ARPC1B: variants seen among roughly 807,000 people sequenced by gnomAD.
The protein encoded by ARPC1B is actin related protein 2/3 complex subunit 1B.
Under a neutral mutation model 46.0 loss-of-function variants are expected in ARPC1B, and 29 were observed. That is an observed-to-expected ratio of 0.63 (90% CI 0.47 to 0.86). The LOEUF is 0.86. ARPC1B is among the 40% of genes least tolerant of loss of function. The pLI, the probability that ARPC1B is intolerant of heterozygous loss-of-function variation, is 0.00. For synonymous variants in ARPC1B, 201 were observed against 213.9 expected (o/e 0.94, Z 0.53); for missense variants, 469 against 529.4 (o/e 0.89, Z 1.12).
intron 5 of ARPC1B, among the ~76,000 whole-genome samples, chr7:99,390,664 G>A (rs549087616): frequency 6.6e-6 from 1 of 152,006 alleles, no homozygotes; most frequent in Admixed American, 6.6e-5. Flanking sequence ...ACAAGCTTCA[G>A]CCACCATGCC....
chr7:99,386,863 G>A (rs1794406578), intron 3 of ARPC1B, 74 bp downstream of exon 3: 1 of 1,128,066 alleles, frequency 8.9e-7, no homozygotes, highest in African/African-American at 1.6e-5. Context: ...GGCAGGGCAT[G>A]GCCACTCATT....
intron 1 of ARPC1B, among the ~76,000 whole-genome samples, chr7:99,382,842 C>CTTT (rs756346040): frequency 2.1e-4 from 25 of 119,242 alleles, no homozygotes; most frequent in African/African-American, 4.4e-4. Context: ...CATTCCTAAC[C>CTTT]TTTTTTTTTT....
chr7:99,392,524 C>T (rs1287606487), intron 7 of ARPC1B, 147 bp from the exon 8 acceptor site: 2 of 704,534 alleles, frequency 2.8e-6, no homozygotes, highest in Non-Finnish European at 4.5e-6. Flanking sequence ...GGTTTTGATA[C>T]ACCTGCAATT....
chr7:99,385,236 A>T (rs537806222), intron 1 of ARPC1B, among the ~76,000 whole-genome samples: 2 of 140,208 alleles, frequency 1.4e-5, no homozygotes, highest in East Asian at 4.7e-4. Context: ...GATTACAGGC[A>T]TGAGCCACCG....
At chr7:99,392,040 A>G (rs1165403274) in intron 7 of ARPC1B, 1 of 152,094 alleles carries the variant, frequency 6.6e-6, no homozygotes, top group East Asian at 1.9e-4. Context: ...AACAGAAAAA[A>G]AAAGATATTT....
intron 1 of ARPC1B, among the ~76,000 whole-genome samples, chr7:99,382,979 G>A (rs1794273541): frequency 6.6e-6 from 1 of 151,236 alleles, no homozygotes; most frequent in African/African-American, 2.4e-5. Flanking sequence ...CAAGTAGCTG[G>A]GACTACAGGT....
chr7:99,378,275 T>G (rs1794089519), intron 1 of ARPC1B, among the ~76,000 whole-genome samples: 1 of 151,672 alleles, frequency 6.6e-6, no homozygotes, highest in African/African-American at 2.4e-5. Flanking sequence ...TTTTGCCATG[T>G]TGCCCAGGCT....
At chr7:99,375,296 G>A (rs1309872895) in intron 1 of ARPC1B, among the ~76,000 whole-genome samples, 3 of 152,228 alleles carry the variant, frequency 2.0e-5, no homozygotes, top group South Asian at 4.1e-4. Flanking sequence ...TGCAGCCGCC[G>A]GGAAATGAGC....
chr7:99,381,691 G>A lies in ARPC1B; in HGVS notation c.-13-4011G>A, dbSNP rs1288393787. ...AAAGCAAGCGGTTTGGATCTGGAGTGAGCAGGAGGTGGACAGGGCCTTCCA... is the reference window on the plus strand; with the variant it reads ...AAAGCAAGCGGTTTGGATCTGGAGTAAGCAGGAGGTGGACAGGGCCTTCCA... On this transcript the variant is annotated intron_variant, in intron 1 of 9. Transcript: ENST00000646101. Among the ~76,000 whole-genome samples, 4 of 152,232 alleles carry A rather than the reference G, an allele frequency of 2.6e-5. No homozygotes were observed. In the East Asian group the frequency reaches 7.7e-4, roughly 29 times the overall value.
At chr7:99,382,851 T>TC (rs1327758638) in intron 1 of ARPC1B, among the ~76,000 whole-genome samples, 2 of 146,210 alleles carry the variant, frequency 1.4e-5, no homozygotes, top group Non-Finnish European at 3.0e-5. Context: ...CCTTTTTTTT[T>TC]TTTTTTTTTT....
At chr7:99,388,429 G>A (rs1040803915) in intron 4 of ARPC1B, among the ~76,000 whole-genome samples, 168 bp downstream of exon 4, 2 of 152,098 alleles carry the variant, frequency 1.3e-5, no homozygotes, top group Non-Finnish European at 2.9e-5. Context: ...TCTCTGCAGC[G>A]TCCGGATGTT....
intron 7 of ARPC1B, 87 bp from the exon 8 acceptor site, chr7:99,392,584 T>C (rs781438023): frequency 9.0e-5 from 112 of 1,240,436 alleles, no homozygotes; most frequent in Non-Finnish European, 1.1e-4. Flanking sequence ...GGCATCTGCC[T>C]CCCGGGCGGC....
At chr7:99,394,172 C>A (rs1225963359) in intron 9 of ARPC1B, 53 bp downstream of exon 9, 4 of 1,572,230 alleles carry the variant, frequency 2.5e-6, no homozygotes, top group Admixed American at 3.4e-5. Flanking sequence ...CAACCCTTTC[C>A]CCCCATCCCC....
At chr7:99,392,528 T>C in intron 7 of ARPC1B, 143 bp from the exon 8 acceptor site, 1 of 729,502 alleles carries the variant, frequency 1.4e-6, no homozygotes, top group Non-Finnish European at 2.1e-6. Context: ...TTGATACACC[T>C]GCAATTCGGG....
Position 99,390,917 on chromosome 7 carries a change from G to C in ARPC1B, c.525G>C (p.Glu175Asp), listed in dbSNP as rs774275938. 4 of 1,611,110 alleles carry C rather than the reference G, an allele frequency of 2.5e-6. No homozygotes were observed. The highest frequency in any genetic ancestry group is 2.2e-5 in the South Asian group (2 of 90,946). The change falls in exon 6 of 10, where the codon GAG becomes GAC. Residue 175 changes from glutamate (E) to aspartate (D), a missense_variant. Physicochemically the swap from Glu to Asp is conservative, Grantham distance 45. Coordinates refer to ENST00000646101, the MANE Select transcript of ARPC1B (RefSeq NM_005720.4). The stretch of plus-strand genomic sequence containing the variant: ...GGATCTTTTCAGCCTACATCAAGGA[G>C]GTGGAGGAACGGCCGGCACCCACCC... ...KCRIFSAYIK[E>D]VEERPAPTPW...
intron 4 of ARPC1B, 108 bp downstream of exon 4, chr7:99,388,369 TG>T (rs1248821682): frequency 9.2e-7 from 1 of 1,091,062 alleles, no homozygotes; most frequent in Admixed American, 2.3e-5. Flanking sequence ...CCCATCACCC[TG>T]GGGGAGTCCA....
chr7:99,380,398 T>C (rs1424701546), intron 1 of ARPC1B, among the ~76,000 whole-genome samples: 2 of 152,116 alleles, frequency 1.3e-5, no homozygotes, highest in South Asian at 2.1e-4. Flanking sequence ...TGAGTCTTCC[T>C]GTCTCTCGCC....
chr7:99,389,823 G>A (rs1661302840), intron 4 of ARPC1B, 82 bp from the exon 5 acceptor site: 9 of 1,178,324 alleles, frequency 7.6e-6, no homozygotes, highest in Admixed American at 1.7e-5. Flanking sequence ...GGAGCAGTGG[G>A]AGCCTGGAGT....
chr7:99,386,412 C>CAGCGA, intron 2 of ARPC1B: 1 of 568,910 alleles, frequency 1.8e-6, no homozygotes, highest in Non-Finnish European at 3.3e-6. Flanking sequence ...CCTGAGGTGT[C>CAGCGA]AGCAGGAGCA....
Sources: allele counts gnomAD v4.1 joint callset (sites outside exome capture counted in the v4.1 genomes callset), GRCh38; gene constraint gnomAD v4.1.1; transcripts MANE v1.5; gene names NCBI Gene and HGNC (gene_info 2026-07-23, HGNC 2026-07-21).